SARS2: variants seen among roughly 807,000 people sequenced by gnomAD.
The protein encoded by SARS2 is seryl-tRNA synthetase 2, mitochondrial.
Under a neutral mutation model 66.8 loss-of-function variants are expected in SARS2, and 52 were observed. The ratio of observed to expected loss-of-function variants is 0.78; its 90% CI spans 0.62 to 0.98. The LOEUF (loss-of-function observed/expected upper bound fraction) is 0.98, where lower values mean the gene tolerates loss of function less well. SARS2 is among the 50% of genes least tolerant of loss of function. SARS2 has a pLI of 0.00. For missense variants in SARS2, 673 were observed against 706.3 expected (o/e 0.95, Z 0.53); for synonymous variants, 306 against 281.4 (o/e 1.09, Z -0.87).
chr19:38,920,876 CACACACAG>C (rs1970993882), intron 5 of SARS2, among the ~76,000 whole-genome samples: 1 of 151,368 alleles, frequency 6.6e-6, no homozygotes, highest in African/African-American at 2.4e-5. Context: ...GATACATAGA[CACACACAG>C]ACACACACAC....
intron 2 of SARS2, among the ~76,000 whole-genome samples, chr19:38,925,800 C>T (rs897479577): frequency 6.6e-6 from 1 of 152,136 alleles, no homozygotes; most frequent in African/African-American, 2.4e-5. Context: ...TGAGGTAATG[C>T]ATGTCCACAT....
chr19:38,915,406 A>G lies in SARS2; in HGVS notation c.*200T>C. On this transcript the variant is annotated 3_prime_UTR_variant, in exon 16 of 16. Transcript: ENST00000221431. ...CGTCCTGCTTCCCACTGGGACCCTC[A>G]ATGATAACAGGGTCAGTGACTGACT... is the stretch of plus-strand genomic sequence containing the variant. 1.6e-6 allele frequency: 1 copy of G among 611,154 alleles called. No individual in the cohort carries two copies. The highest frequency in any genetic ancestry group is 2.9e-6 in the Non-Finnish European group (1 of 346,268). The allele number at this position is 611,154 out of a possible 1,614,324, so 37.9% of individuals were successfully genotyped here.
At chr19:38,915,927 G>C (rs1974405150) in intron 14 of SARS2, 21 bp from the exon 15 acceptor site, 2 of 1,613,508 alleles carry the variant, frequency 1.2e-6, no homozygotes, top group South Asian at 2.2e-5. Context: ...GCCATGCTCG[G>C]AACTGGCGCC....
intron 1 of SARS2, among the ~76,000 whole-genome samples, chr19:38,928,050 G>T (rs1974659285): frequency 1.3e-5 from 2 of 151,202 alleles, no homozygotes; most frequent in Non-Finnish European, 2.9e-5. Context: ...CAAACAAACA[G>T]CTGCTCAAAT....
intron 2 of SARS2, among the ~76,000 whole-genome samples, chr19:38,922,872 C>T (rs1243035270): frequency 6.6e-6 from 1 of 151,992 alleles, no homozygotes; most frequent in Admixed American, 6.6e-5. Context: ...TCAATTAAAC[C>T]TCTTTTCTTT....
intron 1 of SARS2, chr19:38,930,142 G>A (rs1372271343): frequency 6.2e-6 from 2 of 320,936 alleles, no homozygotes; most frequent in Admixed American, 9.2e-5. Context: ...TTCCTTTGTG[G>A]TCTTAGGGAA....
At position 38,920,159 on chromosome 19, in the gene SARS2, G is replaced by A. The variant is rs765708466; in HGVS notation, c.590-10C>T. On this transcript the variant is annotated splice_polypyrimidine_tract_variant and intron_variant, in intron 5 of 15. Coordinates refer to ENST00000221431, the MANE Select transcript of SARS2 (RefSeq NM_017827.4). ...GGTTGGAAGGAGAAAACTGGATGTG[G>A]GTGAAAAGCACCGGTGTAAGGCAGC... The A allele has an allele frequency of 2.6e-6, 4 of 1,556,850 alleles. No individual in the cohort carries two copies. Among genetic ancestry groups the A allele is most frequent in the Non-Finnish European group, 2.6e-6 (3 of 1,149,388 alleles).
In SARS2 at chr19:38,919,825, G is replaced by A. The variant is rs35389151; in HGVS notation, c.696C>T (p.Arg232=). ...CGTGCTGCAGGAGGGCTCCAGCCCC[G>A]CGCAGGTAATAGGACCGGTGGCCAG... The part of the protein sequence containing the change: ...HVSGHRSYYL[R]GAGALLQHGL... Residue 232 remains arginine (R), a synonymous_variant, in exon 7 of 16, where the codon CGC becomes CGT. Transcript: ENST00000221431. The A allele has an allele frequency of 6.1e-4, 987 of 1,614,156 alleles. 2 individuals are homozygous for A. The highest frequency in any genetic ancestry group is 3.0e-3 in the African/African-American group (226 of 75,036).
chr19:38,919,321 C>T (rs1313575049), intron 7 of SARS2, among the ~76,000 whole-genome samples: 1 of 152,206 alleles, frequency 6.6e-6, no homozygotes, highest in Non-Finnish European at 1.5e-5. Context: ...GCCACACCCT[C>T]CCCTGCTTAA....
chr19:38,920,287 A>C (rs879840487), intron 5 of SARS2, 138 bp from the exon 6 acceptor site: 13 of 722,792 alleles, frequency 1.8e-5, no homozygotes, highest in Admixed American at 8.4e-5. Flanking sequence ...AGGGAGAAGA[A>C]GACACGGAAA....
At chr19:38,918,936 C>A in intron 7 of SARS2, 123 bp from the exon 8 acceptor site, 1 of 934,514 alleles carries the variant, frequency 1.1e-6, no homozygotes, top group Non-Finnish European at 1.7e-6. Context: ...GGGGCTGGCG[C>A]AGTGGCTCAC....
At chr19:38,921,695 C>A (rs201743350) in intron 3 of SARS2, 28 bp from the exon 4 acceptor site, 3 of 1,613,174 alleles carry the variant, frequency 1.9e-6, no homozygotes, top group Non-Finnish European at 1.7e-6. Context: ...GGGCTCAGCC[C>A]GGGAGAGGGT....
At chr19:38,924,131 C>CA (rs56799985) in intron 2 of SARS2, among the ~76,000 whole-genome samples, 25,129 of 142,102 alleles carry the variant, frequency 0.18, 2,257 homozygotes, top group East Asian at 0.3. Context: ...GACTCTGTCT[C>CA]AAAAAAAAAA....
At position 38,915,735 on chromosome 19, in the gene SARS2, G is replaced by C; in HGVS notation, c.1428C>G (p.Leu476=). ...GGTAGGACTGGAGGGCAGGGGGCAC[G>C]AGCACTGAGCCGTCCTGGGGACAGA... The part of the protein sequence containing the change: ...ESNQQKDGSV[L]VPPALQSYLG... Residue 476 remains leucine (L), a synonymous_variant, in exon 16 of 16, where the codon CTC becomes CTG. Coordinates refer to ENST00000221431, the MANE Select transcript of SARS2 (RefSeq NM_017827.4). 1 of 1,613,046 alleles carries C rather than the reference G, an allele frequency of 6.2e-7. No homozygotes were observed. The highest frequency in any genetic ancestry group is 1.1e-5 in the South Asian group (1 of 91,060).
chr19:38,919,674 A>G (rs945915667), intron 7 of SARS2, 88 bp downstream of exon 7: 1 of 970,100 alleles, frequency 1.0e-6, no homozygotes, highest in African/African-American at 1.6e-5. Flanking sequence ...ACTAGGGCAG[A>G]GCAGAGATCA....
chr19:38,920,318 G>A (rs1424662762), intron 5 of SARS2, among the ~76,000 whole-genome samples, 169 bp from the exon 6 acceptor site: 1 of 151,656 alleles, frequency 6.6e-6, no homozygotes, highest in African/African-American at 2.4e-5. Context: ...GGGAAGAAAA[G>A]ACAGACAGGA....
intron 1 of SARS2, among the ~76,000 whole-genome samples, chr19:38,929,172 T>G (rs2144784468): frequency 6.6e-6 from 1 of 151,974 alleles, no homozygotes; most frequent in South Asian, 2.1e-4. Flanking sequence ...CACTCCAGCC[T>G]GGGAGACAAG....
chr19:38,920,099 T>C lies in SARS2; in HGVS notation c.640A>G (p.Ile214Val), dbSNP rs777918454. 3 of 1,561,208 alleles carry C rather than the reference T, an allele frequency of 1.9e-6. No individual in the cohort carries two copies. The highest frequency in any genetic ancestry group is 1.7e-6 in the Non-Finnish European group (2 of 1,152,102). ...GHLEIGEKLD[I>V]IRQKRLSHVS... is the part of the protein sequence containing the mutation. ...GGAGGGGCTCACTTCTGACGGATGA[T>C]GTCGAGTTTCTCGCCAATTTCCAGG... The change falls in exon 6 of 16, where the codon ATC (isoleucine) becomes GTC (valine). Residue 214 changes from isoleucine (I) to valine (V), a missense_variant. By Grantham distance (29) the Ile-to-Val change is conservative. Coordinates refer to ENST00000221431, the MANE Select transcript of SARS2 (RefSeq NM_017827.4).
At chr19:38,925,060 G>T (rs191990743) in intron 2 of SARS2, among the ~76,000 whole-genome samples, 11 of 152,242 alleles carry the variant, frequency 7.2e-5, no homozygotes, top group African/African-American at 2.4e-4. Flanking sequence ...ACACCTGTAA[G>T]CCCAGCACTT....
Sources: gnomAD v4.1 joint callset for allele counts (sites outside exome capture counted in the v4.1 genomes callset) on GRCh38, gnomAD v4.1.1 for gene constraint, MANE v1.5 for transcripts, NCBI Gene and HGNC (gene_info 2026-07-23, HGNC 2026-07-21) for gene names.